PRDM6: variants seen among roughly 807,000 people sequenced by gnomAD.
PRDM6 encodes the protein putative histone-lysine N-methyltransferase PRDM6.
Under a neutral mutation model 60.8 loss-of-function variants are expected in PRDM6, and 25 were observed. The observed-to-expected ratio is 0.41, with a 90% CI of 0.30 to 0.57. PRDM6 has a LOEUF of 0.57. Among genes scored for constraint, PRDM6 ranks in the 20% least tolerant of loss-of-function variants. The pLI is 0.27. For missense variants in PRDM6, 839 were observed against 821.3 expected, an observed-to-expected ratio of 1.02 and a Z score of -0.26; for synonymous variants, 407 against 357.4, an observed-to-expected ratio of 1.14 and a Z score of -1.57.
chr5:123,126,000 G>A (rs994191248), intron 3 of PRDM6, among the ~76,000 whole-genome samples: 3 of 152,012 alleles, frequency 2.0e-5, no homozygotes, highest in Non-Finnish European at 4.4e-5. Flanking sequence ...ATATGTGTGT[G>A]TGGGTGGGTT....
chr5:123,149,918 A>G (rs1765336548), intron 3 of PRDM6, among the ~76,000 whole-genome samples: 1 of 152,214 alleles, frequency 6.6e-6, no homozygotes, highest in Admixed American at 6.5e-5. Flanking sequence ...AATGATTAAA[A>G]TGCACTCCTG....
At chr5:123,137,183 G>A (rs1206550996) in intron 3 of PRDM6, among the ~76,000 whole-genome samples, 1 of 152,206 alleles carries the variant, frequency 6.6e-6, no homozygotes, top group Non-Finnish European at 1.5e-5. Flanking sequence ...GCACATATGT[G>A]TGGACAGTGG....
intron 3 of PRDM6, among the ~76,000 whole-genome samples, chr5:123,114,878 T>C (rs529679277): frequency 1.3e-5 from 2 of 152,334 alleles, no homozygotes; most frequent in South Asian, 4.1e-4. Context: ...ACTTATGTTT[T>C]CAAAGGACCA....
intron 3 of PRDM6, among the ~76,000 whole-genome samples, chr5:123,143,689 A>G (rs1392507560): frequency 1.3e-5 from 2 of 152,174 alleles, no homozygotes; most frequent in Non-Finnish European, 2.9e-5. Context: ...AAGGAGCTTT[A>G]TTAGCCAGCC....
intron 3 of PRDM6, 108 bp from the exon 4 acceptor site, chr5:123,155,776 T>C: frequency 7.6e-7 from 1 of 1,309,184 alleles, no homozygotes; most frequent in Non-Finnish European, 1.0e-6. Context: ...CTAGCAAACC[T>C]AAGGGCAATA....
intron 3 of PRDM6, among the ~76,000 whole-genome samples, chr5:123,106,235 C>T (rs916320350): frequency 5.3e-5 from 8 of 152,274 alleles, no homozygotes; most frequent in African/African-American, 1.2e-4. Flanking sequence ...CTATGTGTGG[C>T]GGGCTTAGGG....
In PRDM6 at chr5:123,156,031, A is replaced by C. The variant is rs1406181122; in HGVS notation, c.1028+20A>C. 6.5e-7 allele frequency: 1 copy of C among 1,545,764 alleles called. No homozygotes were observed. Among genetic ancestry groups the C allele is most frequent in the Non-Finnish European group, 8.7e-7 (1 of 1,144,394 alleles). ...GTACAGGTAAAGTATATCTTGATTT[A>C]CCACCTACAGAGCTGAAGCCATTTG... On this transcript the variant is annotated intron_variant, in intron 4 of 7. Coordinates refer to ENST00000407847, the MANE Select transcript of PRDM6 (RefSeq NM_001136239.4).
intron 3 of PRDM6, 100 bp from the exon 4 acceptor site, chr5:123,155,784 A>G (rs1765480984): frequency 2.2e-6 from 3 of 1,384,086 alleles, no homozygotes; most frequent in South Asian, 1.5e-5. Context: ...CCTAAGGGCA[A>G]TAAATTTCTG....
chr5:123,164,793 T>G (rs1372685154), intron 5 of PRDM6, among the ~76,000 whole-genome samples: 1 of 152,194 alleles, frequency 6.6e-6, no homozygotes, highest in African/African-American at 2.4e-5. Flanking sequence ...TCCGACTGTT[T>G]GTGGGAGTGT....
chr5:123,174,092 G>A lies in PRDM6; in HGVS notation c.1496+2984G>A, dbSNP rs185903789. ...GGACCAGAAGAGTTTTGGATTTTGG[G>A]TTGTTTTGGATTTGGGATGTTTGCA... On this transcript the variant is annotated intron_variant, in intron 6 of 7. Transcript: ENST00000407847. Among the ~76,000 whole-genome samples the A allele has an allele frequency of 2.3e-4, 35 of 152,288 alleles. 1 individual carries two copies. Among genetic ancestry groups the A allele is most frequent in the Admixed American group, 2.1e-3 (32 of 15,302 alleles).
intron 3 of PRDM6, among the ~76,000 whole-genome samples, chr5:123,101,741 C>A (rs767705406): frequency 1.3e-5 from 2 of 152,134 alleles, no homozygotes; most frequent in Non-Finnish European, 2.9e-5. Context: ...TTTTCCCCCC[C>A]AGAAGGCTTT....
At chr5:123,144,945 CA>C (rs752630961) in intron 3 of PRDM6, among the ~76,000 whole-genome samples, 5 of 152,110 alleles carry the variant, frequency 3.3e-5, no homozygotes, top group Admixed American at 1.3e-4. Flanking sequence ...TCCAGCTACC[CA>C]TCCAAGCAGC....
intron 5 of PRDM6, among the ~76,000 whole-genome samples, chr5:123,168,002 C>T (rs1765796724): frequency 6.6e-6 from 1 of 152,132 alleles, no homozygotes; most frequent in East Asian, 1.9e-4. Flanking sequence ...TGGTTCTACC[C>T]CAATCTCTGA....
intron 3 of PRDM6, among the ~76,000 whole-genome samples, chr5:123,147,276 A>G (rs1561853043): frequency 1.7e-5 from 2 of 115,186 alleles, no homozygotes; most frequent in South Asian, 2.5e-4. Context: ...CACTGATACT[A>G]AAAAGAGAGA....
chr5:123,164,473 T>C (rs1436314195), intron 5 of PRDM6, among the ~76,000 whole-genome samples: 2 of 152,204 alleles, frequency 1.3e-5, no homozygotes, highest in Admixed American at 6.5e-5. Flanking sequence ...TAGGATGTTA[T>C]GAGGCTTGAT....
At chr5:123,180,693 C>A (rs1168892084) in intron 7 of PRDM6, among the ~76,000 whole-genome samples, 4 of 152,170 alleles carry the variant, frequency 2.6e-5, no homozygotes, top group Non-Finnish European at 5.9e-5. Flanking sequence ...CATCAGCAAG[C>A]CTTACGATCA....
intron 3 of PRDM6, among the ~76,000 whole-genome samples, chr5:123,142,622 A>G (rs1441303433): frequency 6.6e-6 from 1 of 152,106 alleles, no homozygotes; most frequent in African/African-American, 2.4e-5. Flanking sequence ...TGTCTTAATA[A>G]CCATTGACTC....
intron 6 of PRDM6, among the ~76,000 whole-genome samples, chr5:123,179,783 A>C (rs564186502): frequency 6.6e-6 from 1 of 152,362 alleles, no homozygotes; most frequent in Non-Finnish European, 1.5e-5. Context: ...TGGAAGCACA[A>C]GAGACAATTA....
chr5:123,143,975 C>G (rs1290901250), intron 3 of PRDM6, among the ~76,000 whole-genome samples: 1 of 152,162 alleles, frequency 6.6e-6, no homozygotes, highest in Non-Finnish European at 1.5e-5. Context: ...AGGCCTCCTT[C>G]TTTCAATCCT....
Sources: allele counts gnomAD v4.1 joint callset (sites outside exome capture counted in the v4.1 genomes callset), GRCh38; gene constraint gnomAD v4.1.1; transcripts MANE v1.5; gene names NCBI Gene and HGNC (gene_info 2026-07-23, HGNC 2026-07-21).